Variants in LINGO2 observed in about 807,000 individuals in gnomAD.
LINGO2 encodes leucine rich repeat and Ig domain containing 2.
In LINGO2, 14 loss-of-function variants were observed where a neutral mutation model predicts 30.6. The ratio of observed to expected loss-of-function variants is 0.46; its 90% CI spans 0.30 to 0.72. LINGO2 has a LOEUF of 0.72. Ranked by LOEUF, LINGO2 falls within the 30% of genes least tolerant of loss-of-function variation. LINGO2 has a pLI of 0.07. For missense variants in LINGO2, 729 were observed against 751.7 expected (o/e 0.97, Z 0.35); for synonymous variants, 317 against 288.5 (o/e 1.10, Z -1.00).
chr9:29,013,888 T>C, the LINGO2 span, among the ~76,000 whole-genome samples: 1 of 152,126 alleles, frequency 6.6e-6, no homozygotes, highest in South Asian at 2.1e-4. Flanking sequence ...GACATCTAAA[T>C]ATTAACTCAT....
chr9:28,409,185 A>T (rs2134797409), intron 2 of LINGO2, among the ~76,000 whole-genome samples: 1 of 152,218 alleles, frequency 6.6e-6, no homozygotes, highest in South Asian at 2.1e-4. Context: ...AGTGAAAAAA[A>T]TTCATGTTGT....
chr9:29,101,662 G>A, the LINGO2 span, among the ~76,000 whole-genome samples: 2 of 152,142 alleles, frequency 1.3e-5, no homozygotes, highest in Non-Finnish European at 2.9e-5. Context: ...GAGAATATGT[G>A]ATGTCTGTCT....
chr9:29,152,446 T>C, the LINGO2 span, among the ~76,000 whole-genome samples: 3 of 152,198 alleles, frequency 2.0e-5, no homozygotes, highest in Non-Finnish European at 4.4e-5. Context: ...AAGGAAAATA[T>C]GTTACATATA....
intron 4 of LINGO2, among the ~76,000 whole-genome samples, chr9:28,276,432 C>G (rs142882924): frequency 2.0e-5 from 3 of 152,214 alleles, no homozygotes; most frequent in Admixed American, 1.3e-4. Context: ...TCTCAGTTAC[C>G]TCATTTTCCT....
chr9:28,193,382 T>A (rs866946376), intron 4 of LINGO2, among the ~76,000 whole-genome samples: 1 of 152,140 alleles, frequency 6.6e-6, no homozygotes, highest in South Asian at 2.1e-4. Flanking sequence ...TAATTTTTAT[T>A]TTTTAACTTT....
chr9:29,088,482 A>G, the LINGO2 span, among the ~76,000 whole-genome samples: 1 of 152,144 alleles, frequency 6.6e-6, no homozygotes, highest in African/African-American at 2.4e-5. Flanking sequence ...ACCATGCTGC[A>G]CTGGCCTCTT....
chr9:28,526,577 A>G (rs963311820), intron 1 of LINGO2, among the ~76,000 whole-genome samples: 1 of 152,230 alleles, frequency 6.6e-6, no homozygotes. Context: ...ACAATAATCA[A>G]AATTGACATT....
At chr9:29,155,589 A>G in the LINGO2 span, among the ~76,000 whole-genome samples, 1 of 151,494 alleles carries the variant, frequency 6.6e-6, no homozygotes, top group African/African-American at 2.4e-5. Context: ...CTAAAAATAA[A>G]TGAGGAAAAA....
At chr9:29,189,575 C>T in the LINGO2 span, among the ~76,000 whole-genome samples, 2 of 151,386 alleles carry the variant, frequency 1.3e-5, no homozygotes, top group Non-Finnish European at 2.9e-5. Context: ...GATGGGATGG[C>T]GGCCAGGCAG....
chr9:28,198,333 G>A (rs1018777559), intron 4 of LINGO2, among the ~76,000 whole-genome samples: 2 of 151,928 alleles, frequency 1.3e-5, no homozygotes, highest in Non-Finnish European at 2.9e-5. Flanking sequence ...AATGTGCATG[G>A]ACCTACATAT....
At chr9:28,779,195 T>C in the LINGO2 span, among the ~76,000 whole-genome samples, 1 of 152,326 alleles carries the variant, frequency 6.6e-6, no homozygotes, top group East Asian at 1.9e-4. Flanking sequence ...TTTATTTCAT[T>C]TCTTTAATAT....
chr9:28,800,396 C>T, the LINGO2 span, among the ~76,000 whole-genome samples: 5 of 152,160 alleles, frequency 3.3e-5, no homozygotes, highest in East Asian at 1.9e-4. Flanking sequence ...TCATATTCTA[C>T]GTCTTTCTTA....
intron 1 of LINGO2, among the ~76,000 whole-genome samples, chr9:28,656,141 C>A (rs978847379): frequency 6.6e-6 from 1 of 151,804 alleles, no homozygotes; most frequent in Non-Finnish European, 1.5e-5. Flanking sequence ...TGAAGACAAC[C>A]TAAGATATTA....
chr9:28,281,480 TAC>T (rs5897279), intron 4 of LINGO2, among the ~76,000 whole-genome samples: 147,093 of 151,098 alleles, frequency 0.97, 71,690 homozygotes, highest in East Asian at 1. Context: ...TATATATATA[TAC>T]ACACACACAC....
At chr9:27,990,464 C>CA (rs1554650632) in intron 5 of LINGO2, among the ~76,000 whole-genome samples, 8 of 102,300 alleles carry the variant, frequency 7.8e-5, no homozygotes, top group East Asian at 9.0e-4. Flanking sequence ...GTCTCAATAC[C>CA]CCCCCCCCTT....
intron 2 of LINGO2, among the ~76,000 whole-genome samples, chr9:28,439,880 C>T (rs1003051705): frequency 6.6e-6 from 1 of 152,158 alleles, no homozygotes; most frequent in Non-Finnish European, 1.5e-5. Context: ...TTCACATTGC[C>T]ATCACCTTCC....
chr9:28,085,871 C>T (rs1377742761), intron 4 of LINGO2, among the ~76,000 whole-genome samples: 1 of 151,974 alleles, frequency 6.6e-6, no homozygotes, highest in Non-Finnish European at 1.5e-5. Context: ...TACTTGAATT[C>T]GTGAGTGTCT....
At chr9:29,108,861 T>C in the LINGO2 span, among the ~76,000 whole-genome samples, 2 of 152,228 alleles carry the variant, frequency 1.3e-5, no homozygotes, top group Non-Finnish European at 1.5e-5. Context: ...ATGGGCAAAA[T>C]GTGTGATTGC....
chr9:28,910,763 T>C, the LINGO2 span, among the ~76,000 whole-genome samples: 11 of 152,062 alleles, frequency 7.2e-5, no homozygotes, highest in Non-Finnish European at 1.3e-4. Context: ...AAAGTTTTTT[T>C]TCTTTATAAA....
Sources: allele counts gnomAD v4.1 joint callset (sites outside exome capture counted in the v4.1 genomes callset), GRCh38; gene constraint gnomAD v4.1.1; transcripts MANE v1.5; gene names NCBI Gene and HGNC (gene_info 2026-07-23, HGNC 2026-07-21).